Variants in C16orf74 observed in about 807,000 individuals in gnomAD.
C16orf74 encodes calcimembrin.
A neutral mutation model predicts 6.5 loss-of-function variants in C16orf74; 10 were observed. That is an observed-to-expected ratio of 1.54 (90% CI 0.95 to 2.61). The LOEUF is 2.61. Among genes scored for constraint, C16orf74 ranks in the 30% most tolerant of loss-of-function variants. The probability of loss-of-function intolerance (pLI) is 0.00; values close to 1 mark genes in which losing one functional copy is unlikely to be tolerated. For missense variants in C16orf74, 141 were observed against 105.9 expected, an observed-to-expected ratio of 1.33 and a Z score of -1.45; for synonymous variants, 60 against 42.5, an observed-to-expected ratio of 1.41 and a Z score of -1.60.
At chr16:85,720,229 T>C (rs184409577) in intron 2 of C16orf74, among the ~76,000 whole-genome samples, 12 of 152,288 alleles carry the variant, frequency 7.9e-5, no homozygotes, top group Non-Finnish European at 1.6e-4. Flanking sequence ...AGGGATGAGC[T>C]GCTGGAGAGA....
chr16:85,723,925 T>C (rs1193148516), intron 2 of C16orf74, among the ~76,000 whole-genome samples: 2 of 152,160 alleles, frequency 1.3e-5, no homozygotes, highest in Non-Finnish European at 2.9e-5. Flanking sequence ...TGGCCCAGGA[T>C]AACTAGGCTG....
chr16:85,722,114 G>C (rs1334969507), intron 2 of C16orf74, among the ~76,000 whole-genome samples: 1 of 151,004 alleles, frequency 6.6e-6, no homozygotes, highest in Admixed American at 6.6e-5. Context: ...CTTCCTGCTT[G>C]GGCCCCCTAA....
chr16:85,720,995 GCACGAGAATCACTTGAA>G lies in C16orf74; in HGVS notation c.29-10705_29-10689del, dbSNP rs2054077015. Among the ~76,000 whole-genome samples, 20 of 152,150 alleles carry G rather than the reference GCACGAGAATCACTTGAA, an allele frequency of 1.3e-4. No homozygotes were observed. In the South Asian group the frequency reaches 4.2e-3, roughly 32 times the overall value. ...AATCCCAGCTACTTGGGAGGCTGAGGCACGAGAATCACTTGAACCCAGGAGGCAGAGGTTGCAGTGAA... is the reference window on the plus strand; with the variant it reads ...AATCCCAGCTACTTGGGAGGCTGAGGCCCAGGAGGCAGAGGTTGCAGTGAA... On this transcript the variant is annotated intron_variant, in intron 2 of 3. Transcript: ENST00000284245.
chr16:85,741,172 G>A (rs750649773), intron 1 of C16orf74, among the ~76,000 whole-genome samples: 39 of 152,092 alleles, frequency 2.6e-4, no homozygotes, highest in Admixed American at 2.6e-4. Context: ...CAGGATGCGG[G>A]CGGCAGCATG....
chr16:85,719,247 C>T (rs902209947), intron 2 of C16orf74, among the ~76,000 whole-genome samples: 4 of 152,222 alleles, frequency 2.6e-5, no homozygotes, highest in African/African-American at 9.6e-5. Flanking sequence ...GCTGCAGACA[C>T]TGCTGCGGAA....
intron 1 of C16orf74, among the ~76,000 whole-genome samples, chr16:85,738,307 G>A (rs1224981680): frequency 1.3e-5 from 2 of 150,566 alleles, no homozygotes; most frequent in Non-Finnish European, 2.9e-5. Context: ...AATTGGTCTG[G>A]TGTGTGGCTG....
At position 85,710,472 on chromosome 16, in the gene C16orf74, G is replaced by A. The variant is rs118106422; in HGVS notation, c.29-165C>T. 1,214 of 570,738 alleles carry A rather than the reference G, an allele frequency of 2.1e-3. 2 individuals are homozygous for A. The highest frequency in any genetic ancestry group is 2.2e-3 in the Non-Finnish European group (767 of 348,024). The allele number at this position is 570,738 out of a possible 1,614,324, so 35.4% of individuals were successfully genotyped here. A position where few individuals can be genotyped will look rare whatever the true frequency, so the allele number is the denominator to read the frequency against. On this transcript the variant is annotated intron_variant, in intron 2 of 3. Transcript: ENST00000284245. ...CCCCGCATCACAGATGAAAACCGGC[G>A]TCTCAGGAATGAAAAAGGAGCCCTT...
At chr16:85,708,209 T>A in intron 3 of C16orf74, 143 bp from the exon 4 acceptor site, 1 of 693,486 alleles carries the variant, frequency 1.4e-6, no homozygotes, top group Non-Finnish European at 2.5e-6. Context: ...CCCAGCCCAG[T>A]GATGCTGGAT....
chr16:85,730,082 C>T (rs2054172490), intron 2 of C16orf74, among the ~76,000 whole-genome samples: 2 of 152,120 alleles, frequency 1.3e-5, no homozygotes, highest in South Asian at 4.2e-4. Flanking sequence ...TGGGCAGTTA[C>T]ACAGCCTCAG....
intron 2 of C16orf74, among the ~76,000 whole-genome samples, chr16:85,718,307 C>T (rs1398014445): frequency 6.6e-6 from 1 of 152,118 alleles, no homozygotes; most frequent in Admixed American, 6.5e-5. Flanking sequence ...CTCAAACGAT[C>T]CTCCTGCCTT....
At chr16:85,727,187 C>T (rs773829485) in intron 2 of C16orf74, among the ~76,000 whole-genome samples, 4 of 152,212 alleles carry the variant, frequency 2.6e-5, no homozygotes, top group African/African-American at 7.2e-5. Context: ...TGCAGCTGTC[C>T]GCCAGCAGAG....
chr16:85,746,996 A>G (rs2054381329), intron 1 of C16orf74, among the ~76,000 whole-genome samples: 1 of 152,176 alleles, frequency 6.6e-6, no homozygotes, highest in Admixed American at 6.5e-5. Flanking sequence ...CTGAGTGGCC[A>G]GGACCTCCAC....
Position 85,735,245 on chromosome 16 carries a change from G to A in C16orf74, c.-18-10C>T. 6.4e-7 allele frequency: 1 copy of A among 1,572,932 alleles called. No individual in the cohort carries two copies. ...CGGCACCTCTGCAGGCCTGTGGAGA[G>A]AGGACAGCGCTGAGAGAGGGGAGGG... On this transcript the variant is annotated splice_polypyrimidine_tract_variant and intron_variant, in intron 1 of 3. Coordinates refer to ENST00000284245, the MANE Select transcript of C16orf74 (RefSeq NM_206967.3).
At chr16:85,731,345 T>C (rs1044124047) in intron 2 of C16orf74, among the ~76,000 whole-genome samples, 5 of 152,256 alleles carry the variant, frequency 3.3e-5, no homozygotes, top group Non-Finnish European at 7.3e-5. Context: ...AGAGGTCACA[T>C]GCCTGTGAAG....
At chr16:85,710,421 C>T (rs753450624) in intron 2 of C16orf74, 114 bp from the exon 3 acceptor site, 11 of 1,025,910 alleles carry the variant, frequency 1.1e-5, no homozygotes, top group Middle Eastern at 2.6e-4. Context: ...TGGGTCCTGA[C>T]GCCTCGCAGC....
intron 1 of C16orf74, among the ~76,000 whole-genome samples, chr16:85,737,757 G>T (rs1021568458): frequency 6.6e-6 from 1 of 152,028 alleles, no homozygotes; most frequent in Non-Finnish European, 1.5e-5. Flanking sequence ...CTTGAACCTG[G>T]GAGATGGAGG....
At chr16:85,740,851 G>T (rs913444339) in intron 1 of C16orf74, among the ~76,000 whole-genome samples, 8 of 116,814 alleles carry the variant, frequency 6.8e-5, no homozygotes, top group Non-Finnish European at 1.8e-5. Flanking sequence ...AAAAAAGAAA[G>T]AAAATATACA....
At chr16:85,744,316 C>T (rs1173134670) in intron 1 of C16orf74, 1 of 151,214 alleles carries the variant, frequency 6.6e-6, no homozygotes, top group Non-Finnish European at 1.5e-5. Flanking sequence ...GCAAGGATAC[C>T]CTTAGCTTGG....
At chr16:85,720,930 A>G (rs1369903514) in intron 2 of C16orf74, among the ~76,000 whole-genome samples, 4 of 150,948 alleles carry the variant, frequency 2.6e-5, no homozygotes. Context: ...TCTACTAAAA[A>G]TACAAAAAGA....
Sources: allele counts gnomAD v4.1 joint callset (sites outside exome capture counted in the v4.1 genomes callset), GRCh38; gene constraint gnomAD v4.1.1; transcripts MANE v1.5; gene names NCBI Gene and HGNC (gene_info 2026-07-23, HGNC 2026-07-21).